Variants in SCMH1 observed in about 807,000 individuals in gnomAD.
SCMH1 encodes Scm polycomb group protein homolog 1.
A neutral mutation model predicts 70.8 loss-of-function variants in SCMH1; 37 were observed. That is an observed-to-expected ratio of 0.52 (90% confidence interval 0.40 to 0.69). The LOEUF is 0.69. Among genes scored for constraint, SCMH1 ranks in the 30% least tolerant of loss-of-function variants. The pLI is 0.00. For missense variants in SCMH1, 607 were observed against 827.3 expected, an observed-to-expected ratio of 0.73 and a Z score of 3.27; for synonymous variants, 292 against 307.4, an observed-to-expected ratio of 0.95 and a Z score of 0.52.
intron 2 of SCMH1, among the ~76,000 whole-genome samples, chr1:41,182,039 G>T (rs991260938): frequency 6.6e-6 from 1 of 152,182 alleles, no homozygotes; most frequent in South Asian, 2.1e-4. Flanking sequence ...ATGAGTTCAT[G>T]TCCTTTGTAG....
At chr1:41,120,875 T>C (rs1207836374) in intron 6 of SCMH1, among the ~76,000 whole-genome samples, 1 of 152,198 alleles carries the variant, frequency 6.6e-6, no homozygotes, top group Non-Finnish European at 1.5e-5. Flanking sequence ...CTATGTTTAT[T>C]ACACTATCTC....
intron 10 of SCMH1, among the ~76,000 whole-genome samples, chr1:41,059,485 G>C (rs1475163544): frequency 6.6e-6 from 1 of 152,152 alleles, no homozygotes; most frequent in Non-Finnish European, 1.5e-5. Flanking sequence ...ACTCCAGGAA[G>C]ATCATCTTCC....
In SCMH1 at chr1:41,028,580, C is replaced by T. The variant is rs1419014645; in HGVS notation, c.1821+4G>A. 6.2e-7 allele frequency: 1 copy of T among 1,614,034 alleles called. No individual in the cohort carries two copies. Among genetic ancestry groups the T allele is most frequent in the East Asian group, 2.2e-5 (1 of 44,886 alleles). On this transcript the variant is annotated splice_donor_region_variant and intron_variant, in intron 14 of 14. Transcript: ENST00000337495. ...CTACTGAGAGGTCAGGCAGCAGCAC[C>T]TACGTGTTTGCGAAACAGGTCAGCG...
chr1:41,175,525 C>A (rs972499777), intron 2 of SCMH1, among the ~76,000 whole-genome samples: 1 of 152,228 alleles, frequency 6.6e-6, no homozygotes, highest in African/African-American at 2.4e-5. Flanking sequence ...TACCTACCTA[C>A]ACAGCTCCCA....
At chr1:41,181,211 A>C in intron 2 of SCMH1, among the ~76,000 whole-genome samples, 1 of 152,224 alleles carries the variant, frequency 6.6e-6, no homozygotes, top group East Asian at 1.9e-4. Context: ...GATGGATTAA[A>C]GACTTAAATG....
chr1:41,135,224 T>C (rs889570569), intron 6 of SCMH1, among the ~76,000 whole-genome samples: 40 of 152,124 alleles, frequency 2.6e-4, no homozygotes, highest in Non-Finnish European at 1.2e-4. Flanking sequence ...GCTTTCCTAC[T>C]TTTTCTGTGA....
intron 8 of SCMH1, among the ~76,000 whole-genome samples, chr1:41,111,609 G>A (rs1669261524): frequency 6.6e-6 from 1 of 152,142 alleles, no homozygotes; most frequent in African/African-American, 2.4e-5. Flanking sequence ...CCAAAGTGCT[G>A]GGATTACAGA....
intron 8 of SCMH1, among the ~76,000 whole-genome samples, chr1:41,104,918 C>T (rs1192698065): frequency 6.6e-6 from 1 of 151,794 alleles, no homozygotes; most frequent in East Asian, 1.9e-4. Context: ...TACTTTTGGC[C>T]ATTAGGTTTC....
chr1:41,108,227 G>C (rs1190319749), intron 8 of SCMH1, among the ~76,000 whole-genome samples: 1 of 152,142 alleles, frequency 6.6e-6, no homozygotes, highest in African/African-American at 2.4e-5. Context: ...AACATATGAA[G>C]TCACAAGAGA....
chr1:41,209,137 A>T (rs1381548910), intron 1 of SCMH1, among the ~76,000 whole-genome samples: 2 of 152,222 alleles, frequency 1.3e-5, no homozygotes, highest in African/African-American at 4.8e-5. Context: ...AAATTCCTGG[A>T]CACATACACC....
At chr1:41,211,988 G>A (rs769921893) in intron 1 of SCMH1, among the ~76,000 whole-genome samples, 15 of 152,106 alleles carry the variant, frequency 9.9e-5, no homozygotes, top group Admixed American at 2.0e-4. Context: ...GATACAGGGC[G>A]GGGAACATGA....
chr1:41,119,601 C>T, intron 6 of SCMH1, among the ~76,000 whole-genome samples: 1 of 152,072 alleles, frequency 6.6e-6, no homozygotes, highest in African/African-American at 2.4e-5. Flanking sequence ...TGTCTATGTC[C>T]CATGTTAGGC....
At chr1:41,075,535 C>T in intron 8 of SCMH1, 84 bp from the exon 9 acceptor site, 2 of 1,127,404 alleles carry the variant, frequency 1.8e-6, no homozygotes, top group Non-Finnish European at 2.6e-6. Context: ...CTTGCCACTT[C>T]TGCTCAGGTA....
chr1:41,237,337 C>A (rs1276821756), intron 1 of SCMH1, among the ~76,000 whole-genome samples: 2 of 152,178 alleles, frequency 1.3e-5, no homozygotes, highest in African/African-American at 2.4e-5. Context: ...CCTACAACTA[C>A]AAAACAAATC....
At chr1:41,144,529 T>C (rs1439903363) in intron 5 of SCMH1, among the ~76,000 whole-genome samples, 4 of 152,170 alleles carry the variant, frequency 2.6e-5, no homozygotes, top group Non-Finnish European at 2.9e-5. Flanking sequence ...GGTTGTTTCC[T>C]CTTTTTGGCT....
At chr1:41,125,463 C>T (rs1250849850) in intron 6 of SCMH1, among the ~76,000 whole-genome samples, 10 of 149,046 alleles carry the variant, frequency 6.7e-5, no homozygotes, top group African/African-American at 2.2e-4. Context: ...GTGATCCACT[C>T]ATCTCGGCCT....
intron 1 of SCMH1, among the ~76,000 whole-genome samples, chr1:41,230,225 G>C (rs541838285): frequency 1.3e-5 from 2 of 152,236 alleles, no homozygotes; most frequent in East Asian, 3.9e-4. Context: ...CCATATAGGG[G>C]GTTGATATAA....
At chr1:41,205,457 G>A (rs1655306365) in intron 1 of SCMH1, among the ~76,000 whole-genome samples, 1 of 152,234 alleles carries the variant, frequency 6.6e-6, no homozygotes, top group South Asian at 2.1e-4. Context: ...AGCAGTCTGA[G>A]ACTGACCTCA....
rs146883950 is a variant in SCMH1, at chr1:41,054,371, CAA to C, written c.1106-5483_1106-5482del. Among the ~76,000 whole-genome samples, 219 of 152,232 alleles carry C rather than the reference CAA, an allele frequency of 1.4e-3. 4 individuals are homozygous for C. The East Asian group carries it at 0.038, about 26-fold the overall frequency. On this transcript the variant is annotated intron_variant, in intron 10 of 14. Coordinates refer to ENST00000337495, the Ensembl canonical transcript of SCMH1. ...TCCCTGCTTATGATAAAATGCAAGA[CAA>C]GAGATGAGCTTAAAAACATGTACAC... is the stretch of plus-strand genomic sequence containing the variant.
Sources: gnomAD v4.1 joint callset for allele counts (sites outside exome capture counted in the v4.1 genomes callset) on GRCh38, gnomAD v4.1.1 for gene constraint, MANE v1.5 for transcripts, NCBI Gene and HGNC (gene_info 2026-07-23, HGNC 2026-07-21) for gene names.